Variants in DST observed in about 807,000 individuals in gnomAD.
The protein encoded by DST is bullous pemphigoid antigen.
DST carries 253 observed loss-of-function variants against 875.2 expected under a neutral mutation model. That is an observed-to-expected ratio of 0.29 (90% confidence interval 0.26 to 0.32). The LOEUF (loss-of-function observed/expected upper bound fraction) is 0.32. DST is among the 10% of genes least tolerant of loss of function. The pLI is 1.00. For missense variants in DST, 8,287 were observed against 9,111.6 expected (o/e 0.91, Z 3.68); for synonymous variants, 3,124 against 3,197.1 (o/e 0.98, Z 0.77).
chr6:56,669,391 T>C (rs1249713730), intron 10 of DST, among the ~76,000 whole-genome samples: 1 of 147,390 alleles, frequency 6.8e-6, no homozygotes, highest in Non-Finnish European at 1.5e-5. Context: ...AGGTCAGGAG[T>C]TCAAGACCAG....
intron 58 of DST, 119 bp from the exon 59 acceptor site, chr6:56,557,637 G>T: frequency 1.3e-6 from 1 of 775,744 alleles, no homozygotes; most frequent in Non-Finnish European, 2.0e-6. Flanking sequence ...CCATTTTTAT[G>T]ACTCTTGTTA....
intron 2 of DST, among the ~76,000 whole-genome samples, chr6:56,903,844 T>G (rs775465226): frequency 5.9e-5 from 9 of 152,236 alleles, no homozygotes; most frequent in Admixed American, 2.0e-4. Flanking sequence ...ATCTGAGCAC[T>G]GCCTCAGTTA....
intron 4 of DST, among the ~76,000 whole-genome samples, chr6:56,779,611 A>G (rs1374443242): frequency 6.6e-6 from 1 of 151,922 alleles, no homozygotes; most frequent in African/African-American, 2.4e-5. Context: ...ATAGCTAGCC[A>G]GTTTTCCCAG....
intron 77 of DST, among the ~76,000 whole-genome samples, chr6:56,505,901 A>G (rs1217309308): frequency 1.3e-5 from 2 of 152,226 alleles, no homozygotes; most frequent in Non-Finnish European, 2.9e-5. Flanking sequence ...ACAACTATTA[A>G]AAGAAATTAT....
At chr6:56,485,234 C>A in intron 88 of DST, 78 bp downstream of exon 88, 1 of 1,505,466 alleles carries the variant, frequency 6.6e-7, no homozygotes, top group South Asian at 1.1e-5. Flanking sequence ...TTTTAAAAGG[C>A]TAATTTAAAT....
At chr6:56,532,313 C>G in intron 64 of DST, 31 bp downstream of exon 64, 1 of 1,606,404 alleles carries the variant, frequency 6.2e-7, no homozygotes, top group Non-Finnish European at 8.5e-7. Context: ...CACTGCTACT[C>G]TTTCAAAAGA....
chr6:56,653,108 T>C (rs1353837750), intron 10 of DST, among the ~76,000 whole-genome samples: 1 of 152,196 alleles, frequency 6.6e-6, no homozygotes, highest in Non-Finnish European at 1.5e-5. Context: ...AACCCTGCCA[T>C]TAGCAAAGAA....
In DST at chr6:56,607,332, G is replaced by A. The variant is rs780095457; in HGVS notation, c.7296C>T (p.Ser2432=). 6 of 1,612,934 alleles carry A rather than the reference G, an allele frequency of 3.7e-6. No individual in the cohort carries two copies. The African/African-American group carries it at 8.0e-5, about 22-fold the overall frequency. ...TNRDSPIFDY[S]PRLSALLSHD... is the part of the protein sequence containing the mutation. ...GACTTAACAAGGCACTTAGCCTGGG[G>A]GAATAGTCAAAGATAGGTGAATCCC... is the stretch of plus-strand genomic sequence containing the variant. Residue 2432 remains serine, a synonymous_variant, in exon 40 of 104, where the codon TCC becomes TCT. Coordinates refer to ENST00000680361, the MANE Select transcript of DST (RefSeq NM_001374736.1).
At position 56,888,215 on chromosome 6, in the gene DST, T is replaced by C. The variant is rs181489182; in HGVS notation, c.417+12206A>G. Among the ~76,000 whole-genome samples, 307 of 152,264 alleles carry C rather than the reference T, an allele frequency of 2.0e-3. 1 individual carries two copies. The highest frequency in any genetic ancestry group is 6.9e-3 in the African/African-American group (285 of 41,520). On this transcript the variant is annotated intron_variant, in intron 3 of 103. Transcript: ENST00000680361. ...CGCCCGCCTCAGCCTCCCAGTGTGC[T>C]GGGATTACAGACGTGAACCACCACA...
chr6:56,632,830 A>C, intron 28 of DST, 24 bp downstream of exon 28: 1 of 1,608,350 alleles, frequency 6.2e-7, no homozygotes, highest in Non-Finnish European at 8.5e-7. Flanking sequence ...TGGGGAAAAA[A>C]AGACAGGGAT....
At chr6:56,523,659 T>G (rs2152501020) in intron 69 of DST, among the ~76,000 whole-genome samples, 1 of 152,272 alleles carries the variant, frequency 6.6e-6, no homozygotes, top group South Asian at 2.1e-4. Context: ...GGAAAAAATA[T>G]GAAGTATCTT....
intron 90 of DST, among the ~76,000 whole-genome samples, chr6:56,478,555 T>A (rs1264588481): frequency 6.6e-6 from 1 of 152,228 alleles, no homozygotes; most frequent in Non-Finnish European, 1.5e-5. Flanking sequence ...CCATCAGAAC[T>A]ATATCCATAG....
At chr6:56,740,696 T>C (rs1373484335) in intron 4 of DST, among the ~76,000 whole-genome samples, 1 of 152,218 alleles carries the variant, frequency 6.6e-6, no homozygotes, top group Admixed American at 6.5e-5. Flanking sequence ...TCTGGCTCTG[T>C]GATGTGATGT....
At chr6:56,760,778 G>T (rs952569544) in intron 4 of DST, among the ~76,000 whole-genome samples, 1 of 152,140 alleles carries the variant, frequency 6.6e-6, no homozygotes, top group African/African-American at 2.4e-5. Context: ...TACTTTTCAT[G>T]TATTAAAGTC....
At chr6:56,620,427 T>C (rs771601062) in intron 36 of DST, 2 of 1,614,212 alleles carry the variant, frequency 1.2e-6, no homozygotes, top group South Asian at 1.1e-5. Context: ...TCTCTCACAA[T>C]GGTTTCAAGT....
chr6:56,842,685 G>A (rs1240152946), intron 4 of DST, among the ~76,000 whole-genome samples: 2 of 152,128 alleles, frequency 1.3e-5, no homozygotes, highest in East Asian at 3.8e-4. Flanking sequence ...CCCTAGCCAA[G>A]CAGCAGCAGC....
At chr6:56,751,995 T>G (rs1275360688) in intron 4 of DST, among the ~76,000 whole-genome samples, 1 of 152,186 alleles carries the variant, frequency 6.6e-6, no homozygotes, top group African/African-American at 2.4e-5. Flanking sequence ...AATAATGGCT[T>G]GAATCACAAC....
intron 80 of DST, among the ~76,000 whole-genome samples, chr6:56,499,510 T>C (rs1268244764): frequency 6.6e-6 from 1 of 152,096 alleles, no homozygotes; most frequent in Non-Finnish European, 1.5e-5. Flanking sequence ...TGAGTCCTGC[T>C]ACAAAGTCAG....
intron 4 of DST, among the ~76,000 whole-genome samples, chr6:56,782,246 T>A (rs1464346283): frequency 1.3e-5 from 2 of 152,228 alleles, no homozygotes; most frequent in African/African-American, 4.8e-5. Flanking sequence ...ACAAAATGAG[T>A]GAGGGAGGAT....
Sources: gnomAD v4.1 joint callset for allele counts (sites outside exome capture counted in the v4.1 genomes callset) on GRCh38, gnomAD v4.1.1 for gene constraint, MANE v1.5 for transcripts, NCBI Gene and HGNC (gene_info 2026-07-23, HGNC 2026-07-21) for gene names.